Variants in LHPP observed in about 807,000 individuals in gnomAD.
LHPP encodes hLHPP.
In LHPP, 24 loss-of-function variants were observed where a neutral mutation model predicts 30.3. The ratio of observed to expected loss-of-function variants is 0.79; its 90% confidence interval spans 0.57 to 1.11. The LOEUF (loss-of-function observed/expected upper bound fraction) is 1.11, where lower values mean the gene tolerates loss of function less well. LHPP is among the 50% of genes most tolerant of loss of function. LHPP has a pLI of 0.00. For missense variants in LHPP, 356 were observed against 367.2 expected, an observed-to-expected ratio of 0.97 and a Z score of 0.25; for synonymous variants, 150 against 157.1, an observed-to-expected ratio of 0.95 and a Z score of 0.34.
chr10:124,535,709 C>G (rs1444966001), intron 6 of LHPP, among the ~76,000 whole-genome samples: 2 of 152,238 alleles, frequency 1.3e-5, no homozygotes, highest in African/African-American at 4.8e-5. Flanking sequence ...CATGCCTGGC[C>G]TAGTCTGGTG....
At chr10:124,472,554 A>T (rs1564769512) in intron 1 of LHPP, among the ~76,000 whole-genome samples, 1 of 151,122 alleles carries the variant, frequency 6.6e-6, no homozygotes, top group African/African-American at 2.5e-5. Context: ...AATGTGTATA[A>T]ACTTACTTTT....
chr10:124,498,896 T>A, intron 5 of LHPP: 1 of 287,516 alleles, frequency 3.5e-6, no homozygotes, highest in Non-Finnish European at 6.9e-6. Flanking sequence ...TTTTTTTTTT[T>A]TTTGAGACAG....
At chr10:124,584,054 C>T (rs902520637) in intron 6 of LHPP, among the ~76,000 whole-genome samples, 1 of 152,088 alleles carries the variant, frequency 6.6e-6, no homozygotes, top group Admixed American at 6.6e-5. Flanking sequence ...ACAAATAAGT[C>T]AGCTGGGATT....
intron 6 of LHPP, among the ~76,000 whole-genome samples, chr10:124,528,805 A>G (rs1396214877): frequency 6.6e-6 from 1 of 152,008 alleles, no homozygotes; most frequent in Non-Finnish European, 1.5e-5. Context: ...GGATCGAGTG[A>G]ATGTGGCAGG....
chr10:124,465,586 A>C lies in LHPP; in HGVS notation c.125+3599A>C, dbSNP rs929554511. On this transcript the variant is annotated intron_variant, in intron 1 of 6. Coordinates refer to ENST00000368842, the MANE Select transcript of LHPP (RefSeq NM_022126.4). The stretch of plus-strand genomic sequence containing the variant: ...GATGCAAACAGGTCATGGAAGAGGA[A>C]GTGAGAGAGGCTCCGCCTTACTCAA... Among the ~76,000 whole-genome samples, 21 of 152,326 alleles carry C rather than the reference A, an allele frequency of 1.4e-4. 1 individual carries two copies. The highest frequency in any genetic ancestry group is 5.1e-4 in the African/African-American group (21 of 41,568).
intron 6 of LHPP, among the ~76,000 whole-genome samples, chr10:124,597,367 C>A (rs1016171621): frequency 2.0e-5 from 3 of 152,222 alleles, no homozygotes; most frequent in Admixed American, 6.5e-5. Context: ...CCTCACCTGG[C>A]CTTCAGCTTC....
At chr10:124,575,463 G>C (rs10901768) in intron 6 of LHPP, among the ~76,000 whole-genome samples, 3 of 152,094 alleles carry the variant, frequency 2.0e-5, no homozygotes, top group East Asian at 1.9e-4. Flanking sequence ...AGAAGCACCC[G>C]GTTCTCTCTC....
At chr10:124,606,070 C>T (rs1365492215) in intron 6 of LHPP, among the ~76,000 whole-genome samples, 13 of 152,208 alleles carry the variant, frequency 8.5e-5, no homozygotes, top group Admixed American at 6.5e-4. Context: ...GCCCACCCCA[C>T]ATCAGAAGCA....
intron 3 of LHPP, among the ~76,000 whole-genome samples, chr10:124,488,938 G>A (rs946514745): frequency 1.3e-5 from 2 of 152,106 alleles, no homozygotes; most frequent in Non-Finnish European, 2.9e-5. Flanking sequence ...GATGTAGCAG[G>A]GTGTTGGAGA....
chr10:124,577,958 G>A (rs1258979182), intron 6 of LHPP, among the ~76,000 whole-genome samples: 1 of 152,126 alleles, frequency 6.6e-6, no homozygotes, highest in Non-Finnish European at 1.5e-5. Context: ...CCCCATCCTG[G>A]GAGTGCCACC....
chr10:124,581,523 C>A (rs976556579), intron 6 of LHPP, among the ~76,000 whole-genome samples: 1 of 152,150 alleles, frequency 6.6e-6, no homozygotes, highest in Non-Finnish European at 1.5e-5. Context: ...TACATTCCCA[C>A]CAGTAGTGTA....
At chr10:124,601,884 C>T (rs886460926) in intron 6 of LHPP, among the ~76,000 whole-genome samples, 45 of 152,226 alleles carry the variant, frequency 3.0e-4, no homozygotes, top group African/African-American at 1.0e-3. Context: ...GGTGGCCCCA[C>T]GTGGAGCACC....
At chr10:124,520,129 G>A (rs777343330) in intron 6 of LHPP, among the ~76,000 whole-genome samples, 7 of 152,078 alleles carry the variant, frequency 4.6e-5, no homozygotes, top group Non-Finnish European at 7.4e-5. Context: ...CACCGCGCCC[G>A]GCCTCTTTCT....
intron 6 of LHPP, among the ~76,000 whole-genome samples, chr10:124,550,766 G>A (rs1409299268): frequency 1.3e-5 from 2 of 152,210 alleles, no homozygotes; most frequent in African/African-American, 4.8e-5. Context: ...CCAGCTGGGG[G>A]CAGGGAAGCC....
chr10:124,608,572 G>A (rs568878144), intron 6 of LHPP, among the ~76,000 whole-genome samples: 144 of 152,356 alleles, frequency 9.5e-4, no homozygotes, highest in African/African-American at 3.0e-3. Context: ...GGTAGGGGGC[G>A]GAGCCAGCTT....
At chr10:124,607,245 TGGGGCA>T (rs2085744757) in intron 6 of LHPP, among the ~76,000 whole-genome samples, 1 of 152,178 alleles carries the variant, frequency 6.6e-6, no homozygotes, top group South Asian at 2.1e-4. Flanking sequence ...CTGGCCAGTG[TGGGGCA>T]GGGACTCCTC....
chr10:124,602,652 G>A (rs1949038435), intron 6 of LHPP, among the ~76,000 whole-genome samples: 1 of 152,210 alleles, frequency 6.6e-6, no homozygotes, highest in African/African-American at 2.4e-5. Flanking sequence ...CAGAGGACAG[G>A]TCAGCCGGGG....
At chr10:124,574,568 G>A (rs1948633757) in intron 6 of LHPP, among the ~76,000 whole-genome samples, 2 of 152,202 alleles carry the variant, frequency 1.3e-5, no homozygotes, top group Non-Finnish European at 2.9e-5. Flanking sequence ...CGGCACCTGT[G>A]CTGACCCAAG....
chr10:124,519,104 C>T (rs61418135), intron 6 of LHPP, among the ~76,000 whole-genome samples: 33,235 of 152,072 alleles, frequency 0.22, 3,750 homozygotes, highest in Middle Eastern at 0.36. Flanking sequence ...TGCACCACCA[C>T]GCCTGGCTAG....
Sources: gnomAD v4.1 joint callset for allele counts (sites outside exome capture counted in the v4.1 genomes callset) on GRCh38, gnomAD v4.1.1 for gene constraint, MANE v1.5 for transcripts, NCBI Gene and HGNC (gene_info 2026-07-23, HGNC 2026-07-21) for gene names.